The following PRDM11 variants were observed in gnomAD, a reference collection of about 807,000 sequenced individuals.
The protein encoded by PRDM11 is PR/SET domain 11.
Under a neutral mutation model 97.8 loss-of-function variants are expected in PRDM11, and 20 were observed. The ratio of observed to expected loss-of-function variants is 0.20; its 90% confidence interval spans 0.14 to 0.30. PRDM11 has a LOEUF of 0.30. Among genes scored for constraint, PRDM11 ranks in the 10% least tolerant of loss-of-function variants. The pLI is 1.00. For synonymous variants in PRDM11, 599 were observed against 637.7 expected, an observed-to-expected ratio of 0.94 and a Z score of 0.91; for missense variants, 1,139 against 1,555.2, an observed-to-expected ratio of 0.73 and a Z score of 4.50.
rs559676396 is a variant in PRDM11, at chr11:45,108,298, G to A, written c.96+12397G>A. Among the ~76,000 whole-genome samples, 11 of 152,294 alleles carry A rather than the reference G, an allele frequency of 7.2e-5. No homozygotes were observed. In the East Asian group the frequency reaches 1.5e-3, roughly 21 times the overall value. On this transcript the variant is annotated intron_variant, in intron 1 of 6. Transcript: ENST00000530656. ...CTGCCCTGCTGCCCTGGCCTCTTACGTGGGATCCCCGTGTCTCCCCATGAT... is the reference window on the plus strand; with the variant it reads ...CTGCCCTGCTGCCCTGGCCTCTTACATGGGATCCCCGTGTCTCCCCATGAT...
intron 1 of PRDM11, among the ~76,000 whole-genome samples, chr11:45,153,860 C>T (rs1249414539): frequency 3.3e-5 from 5 of 152,192 alleles, no homozygotes; most frequent in Non-Finnish European, 7.3e-5. Context: ...ACACTGACAA[C>T]AGCCCCGTGA....
At chr11:45,199,970 A>G (rs1048884628) in intron 4 of PRDM11, among the ~76,000 whole-genome samples, 5 of 152,066 alleles carry the variant, frequency 3.3e-5, no homozygotes. Context: ...ATTCTCCACC[A>G]TGGGACTGGC....
rs1341032165 is a variant in PRDM11 at position 45,219,307 on chromosome 11, G to A, written c.555-263G>A. On this transcript the variant is annotated intron_variant, in intron 5 of 7. Coordinates refer to ENST00000683152, the MANE Select transcript of PRDM11 (RefSeq NM_001384648.1). The surrounding 1 kb of genome is among the most constrained non-coding windows in gnomAD (Gnocchi z 4.2). ...ATATGGTGTGAGGCAGGCAGGGCAG[G>A]TGTCATATCCAGTCTCAGAAAACAG... is the stretch of plus-strand genomic sequence containing the variant. Among the ~76,000 whole-genome samples, 1 of 152,158 alleles carries A rather than the reference G, an allele frequency of 6.6e-6. No individual in the cohort carries two copies. The highest frequency in any genetic ancestry group is 1.5e-5 in the Non-Finnish European group (1 of 68,018).
intron 5 of PRDM11, among the ~76,000 whole-genome samples, chr11:45,208,494 C>A (rs1410026508): frequency 6.6e-6 from 1 of 152,118 alleles, no homozygotes; most frequent in Non-Finnish European, 1.5e-5. Context: ...ATTTTAAGCC[C>A]CTTACATCAT....
intron 1 of PRDM11, among the ~76,000 whole-genome samples, chr11:45,160,406 GC>G (rs1194237061): frequency 6.6e-6 from 1 of 152,096 alleles, no homozygotes; most frequent in African/African-American, 2.4e-5. Flanking sequence ...TTTCTCTGGA[GC>G]GTTGACTGTC....
chr11:45,121,400 C>T (rs918381320), intron 1 of PRDM11, among the ~76,000 whole-genome samples: 5 of 151,992 alleles, frequency 3.3e-5, no homozygotes, highest in African/African-American at 1.2e-4. Context: ...AGTAACTTCC[C>T]CATATTAGTA....
intron 1 of PRDM11, among the ~76,000 whole-genome samples, chr11:45,135,510 T>G (rs1343408127): frequency 6.6e-6 from 1 of 152,036 alleles, no homozygotes; most frequent in African/African-American, 2.4e-5. Flanking sequence ...ATCCTAGCTT[T>G]CCAACAGCAA....
At chr11:45,145,522 G>A (rs560277398), upstream of PRDM11, among the ~76,000 whole-genome samples, 12 of 152,336 alleles carry the variant, frequency 7.9e-5, no homozygotes, top group Admixed American at 1.3e-4. Context: ...CCCTCTGGGG[G>A]CCGTCTGGGC....
intron 1 of PRDM11, among the ~76,000 whole-genome samples, chr11:45,101,200 G>GAA (rs1565219524): frequency 6.6e-6 from 1 of 152,204 alleles, no homozygotes; most frequent in East Asian, 1.9e-4. Flanking sequence ...GGGAGGGGGT[G>GAA]CTGTCAGGCT....
intron 1 of PRDM11, among the ~76,000 whole-genome samples, chr11:45,137,365 G>A (rs560045492): frequency 9.2e-5 from 14 of 152,106 alleles, no homozygotes; most frequent in African/African-American, 1.9e-4. Flanking sequence ...TCCAGGAGGC[G>A]GAGGTTGCAG....
chr11:45,214,474 C>T (rs902289271), intron 5 of PRDM11: 2 of 151,580 alleles, frequency 1.3e-5, no homozygotes, highest in African/African-American at 2.4e-5. Flanking sequence ...GTTCCTGGAG[C>T]GCTGCTTGTA....
At chr11:45,163,888 G>A (rs575040606) in intron 1 of PRDM11, among the ~76,000 whole-genome samples, 1 of 152,210 alleles carries the variant, frequency 6.6e-6, no homozygotes, top group African/African-American at 2.4e-5. Flanking sequence ...TCCTGAGACT[G>A]TGAAAAGCAC....
chr11:45,185,082 G>C (rs1377030072), intron 4 of PRDM11, among the ~76,000 whole-genome samples: 1 of 152,162 alleles, frequency 6.6e-6, no homozygotes, highest in African/African-American at 2.4e-5. Context: ...GCCAAGTGCT[G>C]CTGAGAAACC....
chr11:45,095,833 T>A, exon 1 of PRDM11: 1 of 775,346 alleles, frequency 1.3e-6, no homozygotes, highest in East Asian at 2.4e-5. Context: ...GCCAATTGCA[T>A]CCCTGATGAT....
At chr11:45,108,748 T>C (rs1449092275) in intron 1 of PRDM11, among the ~76,000 whole-genome samples, 1 of 152,200 alleles carries the variant, frequency 6.6e-6, no homozygotes, top group Non-Finnish European at 1.5e-5. Context: ...TGTAGCTATG[T>C]GGGGACCCAG....
chr11:45,216,898 C>T (rs1853971122), intron 5 of PRDM11, among the ~76,000 whole-genome samples: 3 of 152,302 alleles, frequency 2.0e-5, no homozygotes, highest in Admixed American at 6.5e-5. Context: ...ATGTATTTCT[C>T]ATCTAGCTTT....
intron 1 of PRDM11, among the ~76,000 whole-genome samples, chr11:45,158,091 G>C (rs985256789): frequency 2.0e-5 from 3 of 152,308 alleles, no homozygotes; most frequent in Non-Finnish European, 4.4e-5. Context: ...AGGTAGCGAG[G>C]GAAAAGTTAA....
At chr11:45,094,752 G>A (rs1272310780), upstream of PRDM11, among the ~76,000 whole-genome samples, 6 of 49,512 alleles carry the variant, frequency 1.2e-4, no homozygotes, top group South Asian at 4.2e-3. Flanking sequence ...GGGAAGGAAT[G>A]AAGAAAGGGA....
At chr11:45,223,909 T>C (rs2135850760) in intron 6 of PRDM11, among the ~76,000 whole-genome samples, 1 of 152,252 alleles carries the variant, frequency 6.6e-6, no homozygotes, top group Non-Finnish European at 1.5e-5. Flanking sequence ...TTTTCTAGGG[T>C]CATAGGAAAG....
Sources: allele counts gnomAD v4.1 joint callset (sites outside exome capture counted in the v4.1 genomes callset), GRCh38; gene constraint gnomAD v4.1.1; non-coding constraint Gnocchi (gnomAD v3.1); transcripts MANE v1.5; gene names NCBI Gene and HGNC (gene_info 2026-07-23, HGNC 2026-07-21).